FGF14: variants seen among roughly 807,000 people sequenced by gnomAD.
FGF14 encodes fibroblast growth factor 14, also known as fibroblast growth factor homologous factor 4.
A neutral mutation model predicts 25.5 loss-of-function variants in FGF14; 5 were observed. The observed-to-expected ratio is 0.20, with a 90% confidence interval of 0.10 to 0.41. FGF14 has a LOEUF of 0.41. Ranked by LOEUF, FGF14 falls within the 10% of genes least tolerant of loss-of-function variation. The probability of loss-of-function intolerance (pLI) is 1.00; values close to 1 mark genes in which losing one functional copy is unlikely to be tolerated. For missense variants in FGF14, 222 were observed against 320.1 expected (o/e 0.69, Z 2.34); for synonymous variants, 138 against 118.3 (o/e 1.17, Z -1.08).
chr13:101,955,452 G>T (rs985442179), intron 1 of FGF14, among the ~76,000 whole-genome samples: 1 of 152,196 alleles, frequency 6.6e-6, no homozygotes, highest in African/African-American at 2.4e-5. Flanking sequence ...GTGATGCAAG[G>T]AAACAAGCTC....
At chr13:101,858,229 T>TA (rs35915119) in intron 3 of FGF14, among the ~76,000 whole-genome samples, 83,687 of 141,036 alleles carry the variant, frequency 0.59, 24,615 homozygotes, top group South Asian at 0.76. Flanking sequence ...ATAATTATCT[T>TA]AAAAAAAAAA....
At chr13:102,233,450 G>C (rs1278909898) in intron 1 of FGF14, among the ~76,000 whole-genome samples, 2 of 80,806 alleles carry the variant, frequency 2.5e-5, no homozygotes, top group African/African-American at 1.7e-4. Flanking sequence ...TATTTAACTT[G>C]CTTTTTTTTG....
chr13:101,990,354 A>T (rs987707670), intron 1 of FGF14, among the ~76,000 whole-genome samples: 1 of 152,164 alleles, frequency 6.6e-6, no homozygotes, highest in Non-Finnish European at 1.5e-5. Flanking sequence ...ACTTTGAATT[A>T]GAATTTAGTG....
In FGF14 at chr13:101,944,016, A is replaced by C. The variant is rs7326097; in HGVS notation, c.209-68720T>G. On this transcript the variant is annotated intron_variant, in intron 1 of 4. Transcript: ENST00000376131. Reference sequence around the variant, plus strand: ...TCCGTCTCAAAAAAAAAAAAAAAACAAAAAAAAAACATGGTAAAAAACAAA... The same window carrying C: ...TCCGTCTCAAAAAAAAAAAAAAAACCAAAAAAAAACATGGTAAAAAACAAA... Among the ~76,000 whole-genome samples the C allele has an allele frequency of 4.8e-4, 42 of 88,188 alleles. No individual in the cohort carries two copies. The South Asian group carries it at 0.011, about 22-fold the overall frequency. The allele number at this position is 88,188 out of a possible 152,430, so 57.9% of individuals were successfully genotyped here.
intron 3 of FGF14, among the ~76,000 whole-genome samples, chr13:101,798,748 G>T (rs1185081387): frequency 2.0e-5 from 3 of 152,136 alleles, no homozygotes; most frequent in Non-Finnish European, 4.4e-5. Context: ...AGGCTGTTTA[G>T]ATATGTGCTT....
chr13:102,099,432 G>A, intron 1 of FGF14, among the ~76,000 whole-genome samples: 1 of 152,084 alleles, frequency 6.6e-6, no homozygotes, highest in East Asian at 1.9e-4. Context: ...CCACACAAGG[G>A]TTCTTAGAGC....
chr13:101,889,260 A>G (rs1232444814), intron 1 of FGF14, among the ~76,000 whole-genome samples: 1 of 152,180 alleles, frequency 6.6e-6, no homozygotes, highest in Admixed American at 6.5e-5. Context: ...TTCAACTGCC[A>G]CGTTCACCGA....
chr13:102,275,234 T>TTCTCCCTCTCTCTCTCTCTC (rs2053455274), intron 1 of FGF14, among the ~76,000 whole-genome samples: 1 of 67,448 alleles, frequency 1.5e-5, no homozygotes, highest in African/African-American at 6.4e-5. Flanking sequence ...TTAGGCAGAT[T>TTCTCCCTCTCTCTCTCTCTC]TCTCTCTCTC....
intron 1 of FGF14, among the ~76,000 whole-genome samples, chr13:102,012,337 CAA>C (rs1388812903): frequency 6.6e-6 from 1 of 152,110 alleles, no homozygotes; most frequent in African/African-American, 2.4e-5. Flanking sequence ...AAAGAGAAAT[CAA>C]AGTCTTTAAT....
intron 1 of FGF14, among the ~76,000 whole-genome samples, chr13:102,045,116 G>T (rs1206257770): frequency 6.6e-6 from 1 of 152,146 alleles, no homozygotes; most frequent in Non-Finnish European, 1.5e-5. Flanking sequence ...TATTCAATTT[G>T]TGTAGTTAAA....
chr13:102,041,104 A>T (rs1453106602), intron 1 of FGF14, among the ~76,000 whole-genome samples: 1 of 152,032 alleles, frequency 6.6e-6, no homozygotes, highest in Non-Finnish European at 1.5e-5. Flanking sequence ...TTTACAAACA[A>T]ATATTGTATG....
At chr13:102,271,667 A>G (rs151198927) in intron 1 of FGF14, among the ~76,000 whole-genome samples, 280 of 152,344 alleles carry the variant, frequency 1.8e-3, no homozygotes, top group African/African-American at 6.4e-3. Flanking sequence ...ATAAGTTTAA[A>G]TTCCAAATAA....
intron 1 of FGF14, among the ~76,000 whole-genome samples, chr13:101,990,198 C>T (rs1363979905): frequency 6.6e-6 from 1 of 152,074 alleles, no homozygotes; most frequent in East Asian, 1.9e-4. Context: ...AGTGCTGCCA[C>T]TGCCTACACC....
chr13:102,030,308 G>C (rs1455870535), intron 1 of FGF14, among the ~76,000 whole-genome samples: 3 of 152,024 alleles, frequency 2.0e-5, no homozygotes, highest in African/African-American at 7.2e-5. Flanking sequence ...CCAGAGATGA[G>C]TGTCCCAGGG....
chr13:102,016,539 C>G (rs984162892), intron 1 of FGF14, among the ~76,000 whole-genome samples: 1 of 152,042 alleles, frequency 6.6e-6, no homozygotes, highest in Non-Finnish European at 1.5e-5. Context: ...GTCTTAGAAC[C>G]AGATTACATA....
intron 1 of FGF14, among the ~76,000 whole-genome samples, chr13:101,975,846 G>A (rs2037889283): frequency 6.6e-6 from 1 of 152,146 alleles, no homozygotes; most frequent in African/African-American, 2.4e-5. Context: ...TTTTGTGACA[G>A]GAGAGAACAA....
intron 1 of FGF14, among the ~76,000 whole-genome samples, chr13:101,990,635 C>T (rs906174901): frequency 6.6e-6 from 1 of 151,998 alleles, no homozygotes; most frequent in Non-Finnish European, 1.5e-5. Context: ...CAGTATGGGG[C>T]TTTGGGGTGG....
chr13:102,086,891 T>C (rs1326851783), intron 1 of FGF14, among the ~76,000 whole-genome samples: 1 of 151,984 alleles, frequency 6.6e-6, no homozygotes, highest in Non-Finnish European at 1.5e-5. Context: ...TTACGTAGAG[T>C]GAGTAAAGGC....
At chr13:102,319,518 G>A (rs1284153279) in intron 1 of FGF14, among the ~76,000 whole-genome samples, 1 of 152,208 alleles carries the variant, frequency 6.6e-6, no homozygotes, top group Non-Finnish European at 1.5e-5. Context: ...GCATGGCTGC[G>A]CTATGGTGAG....
Sources: gnomAD v4.1 joint callset for allele counts (sites outside exome capture counted in the v4.1 genomes callset) on GRCh38, gnomAD v4.1.1 for gene constraint, MANE v1.5 for transcripts, NCBI Gene and HGNC (gene_info 2026-07-23, HGNC 2026-07-21) for gene names.